RFWD3: variants seen among roughly 807,000 people sequenced by gnomAD.
The protein encoded by RFWD3 is E3 ubiquitin-protein ligase RFWD3.
In RFWD3, 65 loss-of-function variants were observed where a neutral mutation model predicts 87.7. The ratio of observed to expected loss-of-function variants is 0.74; its 90% confidence interval spans 0.61 to 0.91. The LOEUF is 0.91. RFWD3 is among the 40% of genes least tolerant of loss of function. The probability of loss-of-function intolerance (pLI) is 0.00; values close to 1 mark genes in which losing one functional copy is unlikely to be tolerated. For missense variants in RFWD3, 1,078 were observed against 938.5 expected (o/e 1.15, Z -1.94); for synonymous variants, 433 against 352.8 (o/e 1.23, Z -2.55).
At chr16:74,631,983 T>C (rs148407492) in intron 9 of RFWD3, among the ~76,000 whole-genome samples, 3 of 152,288 alleles carry the variant, frequency 2.0e-5, no homozygotes, top group African/African-American at 4.8e-5. Context: ...TTTTGTAATA[T>C]ACATAGTTTC....
At chr16:74,658,831 G>C (rs1160255276) in intron 2 of RFWD3, among the ~76,000 whole-genome samples, 1 of 149,774 alleles carries the variant, frequency 6.7e-6, no homozygotes, top group East Asian at 2.0e-4. Flanking sequence ...ACAGTGACAA[G>C]ATCTTGGCTC....
chr16:74,629,550 T>C (rs1324237579), intron 10 of RFWD3, among the ~76,000 whole-genome samples: 3 of 151,862 alleles, frequency 2.0e-5, no homozygotes, highest in African/African-American at 7.3e-5. Flanking sequence ...TCCCAGCTAC[T>C]CGGGAGGTGG....
Position 74,651,037 on chromosome 16 carries a change from T to C in RFWD3, c.721+883A>G, listed in dbSNP as rs187808847. 4.6e-5 allele frequency among the ~76,000 whole-genome samples: 7 copies of C among 152,288 alleles called. No homozygotes were observed. The East Asian group carries it at 7.7e-4, about 17-fold the overall frequency. On this transcript the variant is annotated intron_variant, in intron 3 of 12. Coordinates refer to ENST00000361070, the MANE Select transcript of RFWD3 (RefSeq NM_018124.4). ...TAGTTGGGGTTCTAACAACTTACGA[T>C]AGTGATAAATGAGGTTTTGGAAAAT... is the stretch of plus-strand genomic sequence containing the variant.
Position 74,636,379 on chromosome 16 carries a change from A to T in RFWD3, c.1393T>A (p.Ser465Thr). Residue 465 changes from serine (S) to threonine (T), a missense_variant, in exon 8 of 13, where the codon TCA (serine) becomes ACA (threonine). Coordinates refer to ENST00000361070, the MANE Select transcript of RFWD3 (RefSeq NM_018124.4). ...AAAGAGGCCTGAGGAGAAGGCTGTG[A>T]TATCACCAGGCAGCTCAGAGCATCA... is the stretch of plus-strand genomic sequence containing the variant. ...YCDALSCLVISQPSPQASFLP... is the reference protein window; with the variant it reads ...YCDALSCLVITQPSPQASFLP... 6.2e-7 allele frequency: 1 copy of T among 1,614,196 alleles called. No individual in the cohort carries two copies. Among genetic ancestry groups the T allele is most frequent in the East Asian group, 2.2e-5 (1 of 44,882 alleles).
rs577607393 is a variant in RFWD3, at chr16:74,653,048, G to A, written c.519-926C>T. ...AAGGATCTAGGGACACACACACACA[G>A]ACACATTAGGCTAGCTGCGATGACT... On this transcript the variant is annotated intron_variant, in intron 2 of 12. Coordinates refer to ENST00000361070, the MANE Select transcript of RFWD3 (RefSeq NM_018124.4). Among the ~76,000 whole-genome samples the A allele has an allele frequency of 5.9e-5, 9 of 152,144 alleles. No homozygotes were observed. In the South Asian group the frequency reaches 1.9e-3, roughly 32 times the overall value.
intron 3 of RFWD3, among the ~76,000 whole-genome samples, chr16:74,651,424 C>G (rs978232762): frequency 6.6e-6 from 1 of 151,944 alleles, no homozygotes; most frequent in Non-Finnish European, 1.5e-5. Context: ...TTATGACCAG[C>G]CGGGGCAACA....
intron 2 of RFWD3, 27 bp from the exon 3 acceptor site, chr16:74,652,149 T>C (rs1034709212): frequency 6.3e-7 from 1 of 1,588,232 alleles, no homozygotes; most frequent in Non-Finnish European, 8.6e-7. Context: ...ACAACGGAAT[T>C]ATAGTACAAT....
chr16:74,638,758 C>A (rs561418858), intron 6 of RFWD3, among the ~76,000 whole-genome samples: 43 of 152,280 alleles, frequency 2.8e-4, no homozygotes, highest in African/African-American at 1.0e-3. Flanking sequence ...AATTCATTCA[C>A]AACAATTTTA....
At chr16:74,654,321 C>T (rs76362288) in intron 2 of RFWD3, among the ~76,000 whole-genome samples, 2,775 of 152,170 alleles carry the variant, frequency 0.018, 37 homozygotes, top group Non-Finnish European at 0.028. Flanking sequence ...TATTTATATG[C>T]TAACCTTTAT....
At chr16:74,632,480 C>T (rs753139338) in intron 9 of RFWD3, 43 bp downstream of exon 9, 11 of 1,604,240 alleles carry the variant, frequency 6.9e-6, no homozygotes, top group South Asian at 3.3e-5. Flanking sequence ...TGCTACTCAA[C>T]ACCAAAGAGC....
chr16:74,629,463 A>G (rs529109971), intron 10 of RFWD3, among the ~76,000 whole-genome samples: 2 of 152,338 alleles, frequency 1.3e-5, no homozygotes, highest in South Asian at 4.1e-4. Flanking sequence ...GTTTGAGACC[A>G]GCCTGGCCAA....
chr16:74,645,501 T>G lies in RFWD3; in HGVS notation c.793-766A>C, dbSNP rs555319784. ...ACTTAGACAACAAACCTGTATAGGA[T>G]GTTACTGTACCAAATACTGTAGGCA... On this transcript the variant is annotated intron_variant, in intron 4 of 12. Transcript: ENST00000361070. 2.0e-5 allele frequency among the ~76,000 whole-genome samples: 3 copies of G among 152,276 alleles called. No homozygotes were observed. In the East Asian group the frequency reaches 5.8e-4, roughly 29 times the overall value.
At position 74,623,620 on chromosome 16, in the gene RFWD3, C is replaced by A; in HGVS notation, c.*308G>T. ...TGATGAGAGGACACTCTCTAAGGTC[C>A]AGAAAGTCACACAGAAAATAAAGAA... On this transcript the variant is annotated 3_prime_UTR_variant, in exon 13 of 13. Transcript: ENST00000361070. The A allele has an allele frequency of 8.2e-6, 2 of 244,714 alleles. No homozygotes were observed. The highest frequency in any genetic ancestry group is 2.3e-5 in the African/African-American group (1 of 43,914). 15.2% of individuals were successfully genotyped at this position (244,714 alleles called of 1,614,324 possible).
chr16:74,634,677 C>A (rs1034244029), intron 8 of RFWD3, among the ~76,000 whole-genome samples: 1 of 152,266 alleles, frequency 6.6e-6, no homozygotes, highest in African/African-American at 2.4e-5. Flanking sequence ...TCATGAGCCA[C>A]TGTGCCCACT....
intron 1 of RFWD3, among the ~76,000 whole-genome samples, chr16:74,662,076 T>C (rs1317645259): frequency 6.6e-6 from 1 of 152,204 alleles, no homozygotes; most frequent in Admixed American, 6.5e-5. Flanking sequence ...CTATGTTCTT[T>C]TCATGTTTCC....
intron 6 of RFWD3, among the ~76,000 whole-genome samples, chr16:74,642,416 G>T (rs1426677481): frequency 6.6e-6 from 1 of 152,052 alleles, no homozygotes; most frequent in African/African-American, 2.4e-5. Context: ...GAGCCACTGT[G>T]CCTGGCCCTT....
intron 1 of RFWD3, among the ~76,000 whole-genome samples, chr16:74,664,152 C>T (rs913045445): frequency 5.9e-5 from 9 of 152,166 alleles, no homozygotes; most frequent in Admixed American, 5.9e-4. Context: ...GGGTTTCCCA[C>T]GTTGCCTAGG....
chr16:74,651,874 T>G, intron 3 of RFWD3, 46 bp downstream of exon 3: 1 of 1,549,432 alleles, frequency 6.5e-7, no homozygotes, highest in Non-Finnish European at 8.9e-7. Context: ...AATTTAAGCT[T>G]CATGGATGTT....
Position 74,661,376 on chromosome 16 carries a change from C to A in RFWD3, c.74G>T (p.Gly25Val). ...NHAEQQPAPA[G>V]MASSQGGPAL... is the part of the protein sequence containing the mutation. ...TGGTCCCCCTTGGCTGCTGGCCATG[C>A]CAGCAGGAGCTGGCTGTTGTTCGGC... The change falls in exon 2 of 13, where the codon GGC becomes GTC. Residue 25 changes from glycine (G) to valine (V), a missense_variant. Physicochemically the swap from Gly to Val is moderately radical, Grantham distance 109 (BLOSUM62 -3). Coordinates refer to ENST00000361070, the MANE Select transcript of RFWD3 (RefSeq NM_018124.4). The A allele has an allele frequency of 6.2e-7, 1 of 1,613,950 alleles. No individual in the cohort carries two copies. Among genetic ancestry groups the A allele is most frequent in the Non-Finnish European group, 8.5e-7 (1 of 1,179,964 alleles).
Sources: gnomAD v4.1 joint callset for allele counts (sites outside exome capture counted in the v4.1 genomes callset) on GRCh38, gnomAD v4.1.1 for gene constraint, MANE v1.5 for transcripts, NCBI Gene and HGNC (gene_info 2026-07-23, HGNC 2026-07-21) for gene names.